Variants in NTNG1 observed in about 807,000 individuals in gnomAD.
The protein encoded by NTNG1 is netrin-G1.
Under a neutral mutation model 54.0 loss-of-function variants are expected in NTNG1, and 16 were observed. The ratio of observed to expected loss-of-function variants is 0.30; its 90% CI spans 0.20 to 0.45. NTNG1 has a LOEUF of 0.45. NTNG1 is among the 20% of genes least tolerant of loss of function. NTNG1 has a pLI of 1.00. For missense variants in NTNG1, 530 were observed against 678.7 expected, an observed-to-expected ratio of 0.78 and a Z score of 2.43; for synonymous variants, 255 against 263.1, an observed-to-expected ratio of 0.97 and a Z score of 0.30.
At chr1:107,250,572 A>T (rs1324984384) in intron 2 of NTNG1, among the ~76,000 whole-genome samples, 2 of 288 alleles carry the variant, frequency 6.9e-3, no homozygotes, top group Non-Finnish European at 0.036. Context: ...TTAAAAAATA[A>T]AAAAAATAAA....
intron 3 of NTNG1, among the ~76,000 whole-genome samples, chr1:107,343,108 G>A (rs141558758): frequency 1.3e-5 from 2 of 152,228 alleles, no homozygotes; most frequent in East Asian, 1.9e-4. Flanking sequence ...TTTATTAGAT[G>A]TTGTCACATA....
intron 5 of NTNG1, among the ~76,000 whole-genome samples, chr1:107,425,645 C>T (rs1027427510): frequency 7.9e-5 from 12 of 152,024 alleles, no homozygotes; most frequent in African/African-American, 2.9e-4. Context: ...AAACATATTA[C>T]TGTAGTTGTC....
intron 2 of NTNG1, among the ~76,000 whole-genome samples, chr1:107,293,926 T>C (rs894169800): frequency 1.3e-5 from 2 of 152,172 alleles, no homozygotes; most frequent in African/African-American, 4.8e-5. Flanking sequence ...TTTCTTTACT[T>C]TCATGATTTT....
At chr1:107,295,778 A>G (rs772048856) in intron 2 of NTNG1, among the ~76,000 whole-genome samples, 11 of 152,142 alleles carry the variant, frequency 7.2e-5, no homozygotes, top group Non-Finnish European at 1.3e-4. Context: ...AAAACTAGCT[A>G]AAGTAAATGA....
intron 7 of NTNG1, among the ~76,000 whole-genome samples, chr1:107,438,495 T>A (rs1358642686): frequency 1.3e-5 from 2 of 152,234 alleles, no homozygotes; most frequent in Non-Finnish European, 2.9e-5. Context: ...ATGGCACAGC[T>A]AGACCTCAAG....
intron 2 of NTNG1, among the ~76,000 whole-genome samples, chr1:107,243,732 A>G (rs1482990909): frequency 1.3e-5 from 2 of 152,058 alleles, no homozygotes; most frequent in Non-Finnish European, 2.9e-5. Context: ...ATGCTGCTCT[A>G]GAGAGAGGGA....
chr1:107,398,763 C>T (rs545370630), intron 4 of NTNG1, among the ~76,000 whole-genome samples: 2 of 152,174 alleles, frequency 1.3e-5, no homozygotes, highest in East Asian at 3.9e-4. Context: ...CATTTTTCTT[C>T]TCCTTATTGA....
chr1:107,466,919 C>T (rs2101567074), intron 7 of NTNG1, among the ~76,000 whole-genome samples: 1 of 152,194 alleles, frequency 6.6e-6, no homozygotes, highest in East Asian at 1.9e-4. Flanking sequence ...CTTAATTTCC[C>T]CCCTTTTCAG....
chr1:107,294,135 G>C (rs1665795836), intron 2 of NTNG1, among the ~76,000 whole-genome samples: 1 of 152,206 alleles, frequency 6.6e-6, no homozygotes, highest in Non-Finnish European at 1.5e-5. Flanking sequence ...CTAGTTGGCA[G>C]AGCAGTGGTT....
At chr1:107,303,808 T>A (rs1666479207) in intron 2 of NTNG1, among the ~76,000 whole-genome samples, 1 of 152,100 alleles carries the variant, frequency 6.6e-6, no homozygotes, top group Non-Finnish European at 1.5e-5. Context: ...TGCCTCAGTC[T>A]CCGGAGTAGC....
At chr1:107,421,523 G>T (rs1674572635) in intron 5 of NTNG1, among the ~76,000 whole-genome samples, 1 of 152,052 alleles carries the variant, frequency 6.6e-6, no homozygotes, top group Non-Finnish European at 1.5e-5. Context: ...AGAAAGGCAG[G>T]TTCCATGTAT....
At chr1:107,268,958 G>A (rs375613943) in intron 2 of NTNG1, among the ~76,000 whole-genome samples, 1 of 152,112 alleles carries the variant, frequency 6.6e-6, no homozygotes, top group Non-Finnish European at 1.5e-5. Context: ...GATAACTGAC[G>A]TAATCTATCT....
intron 2 of NTNG1, among the ~76,000 whole-genome samples, chr1:107,165,395 C>T (rs1453933428): frequency 6.6e-6 from 1 of 152,192 alleles, no homozygotes; most frequent in Non-Finnish European, 1.5e-5. Context: ...TGTTATAAGA[C>T]GAAAAATCCC....
At chr1:107,404,095 A>C (rs1673241609) in intron 4 of NTNG1, among the ~76,000 whole-genome samples, 1 of 149,438 alleles carries the variant, frequency 6.7e-6, no homozygotes, top group Admixed American at 6.7e-5. Flanking sequence ...ATATATATAT[A>C]TATATGTATA....
At chr1:107,153,198 T>C (rs1477188204) in intron 2 of NTNG1, among the ~76,000 whole-genome samples, 1 of 152,210 alleles carries the variant, frequency 6.6e-6, no homozygotes, top group Non-Finnish European at 1.5e-5. Context: ...GATGAGTGAC[T>C]GGTAACTCAT....
chr1:107,269,747 G>C (rs998787352), intron 2 of NTNG1, among the ~76,000 whole-genome samples: 1 of 152,142 alleles, frequency 6.6e-6, no homozygotes, highest in Non-Finnish European at 1.5e-5. Context: ...TGTAAACTTG[G>C]CATGTTACAT....
intron 5 of NTNG1, chr1:107,421,061 T>C (rs1358234396): frequency 6.4e-7 from 1 of 1,572,032 alleles, no homozygotes; most frequent in Non-Finnish European, 8.7e-7. Flanking sequence ...TAATTTACTG[T>C]TCATTCTTTT....
chr1:107,435,444 T>C (rs1675537538), intron 6 of NTNG1, among the ~76,000 whole-genome samples: 1 of 152,162 alleles, frequency 6.6e-6, no homozygotes, highest in African/African-American at 2.4e-5. Context: ...TAAATGTTTG[T>C]TTTATAAGAA....
intron 7 of NTNG1, among the ~76,000 whole-genome samples, chr1:107,468,268 A>G (rs1558022014): frequency 1.3e-5 from 2 of 152,200 alleles, no homozygotes; most frequent in Admixed American, 6.5e-5. Flanking sequence ...GTCTCTAAGG[A>G]GACGTTTGGC....
Sources: gnomAD v4.1 joint callset for allele counts (sites outside exome capture counted in the v4.1 genomes callset) on GRCh38, gnomAD v4.1.1 for gene constraint, MANE v1.5 for transcripts, NCBI Gene and HGNC (gene_info 2026-07-23, HGNC 2026-07-21) for gene names.